The following CNTNAP4 variants were observed in gnomAD, a reference collection of about 807,000 sequenced individuals.
The protein encoded by CNTNAP4 is contactin associated protein family member 4, also known as contactin-associated protein-like 4.
Under a neutral mutation model 148.4 loss-of-function variants are expected in CNTNAP4, and 98 were observed. The ratio of observed to expected loss-of-function variants is 0.66; its 90% CI spans 0.56 to 0.78. The LOEUF (loss-of-function observed/expected upper bound fraction) is 0.78, where lower values mean the gene tolerates loss of function less well. CNTNAP4 is among the 30% of genes least tolerant of loss of function. The pLI, the probability that CNTNAP4 is intolerant of heterozygous loss-of-function variation, is 0.00. For missense variants in CNTNAP4, 1,935 were observed against 1,565.6 expected (o/e 1.24, Z -3.98); for synonymous variants, 730 against 565.1 (o/e 1.29, Z -4.14).
At chr16:76,361,219 A>G (rs2013403624) in intron 3 of CNTNAP4, among the ~76,000 whole-genome samples, 1 of 152,138 alleles carries the variant, frequency 6.6e-6, no homozygotes, top group Admixed American at 6.5e-5. Flanking sequence ...CTATAAGCAC[A>G]GTGTTGTAAG....
chr16:76,539,804 A>G lies in CNTNAP4; in HGVS notation c.3306A>G (p.Gln1102=), dbSNP rs748646365. The change falls in exon 20 of 24, where the codon CAA becomes CAG. Residue 1102 remains glutamine (Q), a synonymous_variant. Coordinates refer to ENST00000611870, the MANE Select transcript of CNTNAP4 (RefSeq NM_033401.5). ...NFDFKNMADG[Q]LHHIMINREE... ...ATTTTAAAAACATGGCTGATGGACA[A>G]CTTCACCACATAATGATTAACAGAG... 8.1e-6 allele frequency: 13 copies of G among 1,603,414 alleles called. No homozygotes were observed. Among genetic ancestry groups the G allele is most frequent in the Admixed American group, 3.5e-5 (2 of 57,766 alleles).
At chr16:76,526,182 C>T (rs993490421) in intron 17 of CNTNAP4, among the ~76,000 whole-genome samples, 2 of 151,912 alleles carry the variant, frequency 1.3e-5, no homozygotes, top group Non-Finnish European at 2.9e-5. Flanking sequence ...CCAGATGAAA[C>T]AGAAGAGAAA....
chr16:76,367,802 C>T (rs529796848), intron 3 of CNTNAP4, among the ~76,000 whole-genome samples: 1 of 152,292 alleles, frequency 6.6e-6, no homozygotes, highest in South Asian at 2.1e-4. Context: ...TCAGGAAAGC[C>T]ATCAGCTCCA....
chr16:76,456,761 A>G (rs187164108), intron 8 of CNTNAP4, among the ~76,000 whole-genome samples: 1 of 151,800 alleles, frequency 6.6e-6, no homozygotes, highest in East Asian at 1.9e-4. Context: ...CAAAAAATAA[A>G]TAAAATAAAA....
At position 76,374,133 on chromosome 16, in the gene CNTNAP4, A is replaced by G. The variant is rs11646878; in HGVS notation, c.390+18622A>G. On this transcript the variant is annotated intron_variant, in intron 3 of 23. Coordinates refer to ENST00000611870, the MANE Select transcript of CNTNAP4 (RefSeq NM_033401.5). The stretch of plus-strand genomic sequence containing the variant: ...TTGTCTCCCTTTTGAAGCCATGAGC[A>G]TTTTAAGTACCTAATAATAGGATTC... Among the ~76,000 whole-genome samples the G allele has an allele frequency of 8.6e-3, 1,305 of 152,274 alleles. 15 individuals carry two copies. The highest frequency in any genetic ancestry group is 0.025 in the African/African-American group (1,034 of 41,566).
intron 3 of CNTNAP4, among the ~76,000 whole-genome samples, chr16:76,383,510 G>T (rs551956961): frequency 6.6e-6 from 1 of 151,254 alleles, no homozygotes; most frequent in South Asian, 2.1e-4. Flanking sequence ...GAAAGAAAAA[G>T]GAAGAGTGAT....
intron 2 of CNTNAP4, among the ~76,000 whole-genome samples, chr16:76,332,069 TCTG>T (rs1963575743): frequency 6.6e-6 from 1 of 152,238 alleles, no homozygotes; most frequent in South Asian, 2.1e-4. Flanking sequence ...TGCCCAGAAA[TCTG>T]CTGTTGAGGA....
At chr16:76,297,691 T>C (rs181758883) in intron 1 of CNTNAP4, among the ~76,000 whole-genome samples, 8 of 152,322 alleles carry the variant, frequency 5.3e-5, no homozygotes, top group Non-Finnish European at 1.5e-5. Flanking sequence ...TTATGATAGA[T>C]AGATACACAA....
At chr16:76,394,661 G>A (rs1010421745) in intron 3 of CNTNAP4, among the ~76,000 whole-genome samples, 5 of 152,036 alleles carry the variant, frequency 3.3e-5, no homozygotes, top group African/African-American at 1.2e-4. Context: ...CAATTTGAAA[G>A]AAAATAGTTT....
chr16:76,427,301 C>T, intron 3 of CNTNAP4, 151 bp from the exon 4 acceptor site: 1 of 562,580 alleles, frequency 1.8e-6, no homozygotes, highest in Non-Finnish European at 2.9e-6. Context: ...GCAGAGACAT[C>T]ATGACATAAC....
intron 21 of CNTNAP4, among the ~76,000 whole-genome samples, chr16:76,545,323 C>T (rs1037896862): frequency 2.0e-5 from 3 of 152,068 alleles, no homozygotes; most frequent in African/African-American, 7.2e-5. Context: ...AGCTTATTCT[C>T]GTAATCATAA....
At chr16:76,397,063 G>A (rs1016583076) in intron 3 of CNTNAP4, among the ~76,000 whole-genome samples, 3 of 152,068 alleles carry the variant, frequency 2.0e-5, no homozygotes, top group African/African-American at 7.2e-5. Context: ...GGTGGCATCA[G>A]GGAAGGATTC....
chr16:76,393,223 C>A (rs914360063), intron 3 of CNTNAP4, among the ~76,000 whole-genome samples: 2 of 152,038 alleles, frequency 1.3e-5, no homozygotes, highest in African/African-American at 4.8e-5. Context: ...GATTTTACTA[C>A]CCACTGAAAA....
intron 2 of CNTNAP4, among the ~76,000 whole-genome samples, chr16:76,335,161 T>C (rs1229223561): frequency 4.6e-5 from 7 of 152,154 alleles, no homozygotes; most frequent in African/African-American, 1.7e-4. Context: ...GATTCTGCTT[T>C]TCTGCATGAC....
intron 2 of CNTNAP4, among the ~76,000 whole-genome samples, chr16:76,334,458 A>T (rs930384141): frequency 6.6e-6 from 1 of 152,064 alleles, no homozygotes; most frequent in Non-Finnish European, 1.5e-5. Flanking sequence ...TTAATCCCCA[A>T]ACTGTGTCTC....
At chr16:76,315,648 G>A (rs539151659) in intron 1 of CNTNAP4, among the ~76,000 whole-genome samples, 2 of 152,172 alleles carry the variant, frequency 1.3e-5, no homozygotes, top group Admixed American at 6.5e-5. Context: ...AGGCTGGAGT[G>A]CAGTGGTGTG....
intron 8 of CNTNAP4, among the ~76,000 whole-genome samples, chr16:76,461,251 A>G (rs1303696426): frequency 1.3e-5 from 2 of 152,204 alleles, no homozygotes; most frequent in Non-Finnish European, 2.9e-5. Flanking sequence ...AGCTACAGCA[A>G]TGAGGGAGAG....
intron 3 of CNTNAP4, among the ~76,000 whole-genome samples, chr16:76,395,795 C>G (rs959361198): frequency 6.6e-6 from 1 of 151,546 alleles, no homozygotes; most frequent in South Asian, 2.1e-4. Context: ...GTGGAGTGAT[C>G]TCAGCTCACT....
chr16:76,332,598 CATT>C (rs1341300878), intron 2 of CNTNAP4, among the ~76,000 whole-genome samples: 1 of 151,880 alleles, frequency 6.6e-6, no homozygotes. Context: ...ACTGACATAA[CATT>C]ATTTATTTAA....
Sources: gnomAD v4.1 joint callset for allele counts (sites outside exome capture counted in the v4.1 genomes callset) on GRCh38, gnomAD v4.1.1 for gene constraint, MANE v1.5 for transcripts, NCBI Gene and HGNC (gene_info 2026-07-23, HGNC 2026-07-21) for gene names.